Variants in ANO10 observed in about 807,000 individuals in gnomAD.
The protein encoded by ANO10 is anoctamin-10.
ANO10 carries 77 observed loss-of-function variants against 74.7 expected under a neutral mutation model. The observed-to-expected ratio is 1.03, with a 90% CI of 0.86 to 1.25. The LOEUF is 1.25. ANO10 is among the 50% of genes most tolerant of loss of function. The pLI, the probability that ANO10 is intolerant of heterozygous loss-of-function variation, is 0.00. For synonymous variants in ANO10, 279 were observed against 284.9 expected (o/e 0.98, Z 0.21); for missense variants, 721 against 778.1 (o/e 0.93, Z 0.87).
chr3:43,372,901 C>A, intron 12 of ANO10: 1 of 1,508,382 alleles, frequency 6.6e-7, no homozygotes, highest in East Asian at 2.5e-5. Context: ...AGTGTAATTC[C>A]GATGAACTTG....
upstream of ANO10, among the ~76,000 whole-genome samples, chr3:43,626,688 T>C (rs2083495941): frequency 6.6e-6 from 1 of 152,226 alleles, no homozygotes. Context: ...TCTTGATAGC[T>C]ACACATTTTT....
intron 12 of ANO10, among the ~76,000 whole-genome samples, chr3:43,375,788 G>A (rs1360223299): frequency 7.7e-6 from 1 of 129,492 alleles, no homozygotes. Context: ...CAAGCCACAG[G>A]AGCCTGGGGG....
intron 5 of ANO10, 93 bp downstream of exon 5, chr3:43,580,260 A>C: frequency 6.4e-7 from 1 of 1,555,764 alleles, no homozygotes; most frequent in Non-Finnish European, 8.8e-7. Flanking sequence ...TAGAGCACTA[A>C]ATATCTGCCC....
intron 11 of ANO10, among the ~76,000 whole-genome samples, chr3:43,455,569 T>A (rs138405338): frequency 1.3e-5 from 2 of 152,080 alleles, no homozygotes; most frequent in African/African-American, 4.8e-5. Flanking sequence ...AATCAACTAG[T>A]TAGCAGGATA....
chr3:43,435,869 T>G (rs932374489), intron 11 of ANO10, among the ~76,000 whole-genome samples: 2 of 152,146 alleles, frequency 1.3e-5, no homozygotes, highest in Admixed American at 6.5e-5. Context: ...CAAATAACAA[T>G]GAATACTTGT....
intron 11 of ANO10, among the ~76,000 whole-genome samples, chr3:43,483,397 G>A (rs1415745830): frequency 2.6e-5 from 4 of 152,098 alleles, no homozygotes; most frequent in African/African-American, 7.2e-5. Context: ...CTCATCAGAG[G>A]AGCCAAGCTG....
intron 1 of ANO10, among the ~76,000 whole-genome samples, chr3:43,645,832 G>T (rs2083720612): frequency 6.6e-6 from 1 of 151,724 alleles, no homozygotes; most frequent in Admixed American, 6.6e-5. Context: ...TTATTTTTTT[G>T]AGATGGGGTC....
intron 11 of ANO10, among the ~76,000 whole-genome samples, chr3:43,481,254 A>C (rs963953166): frequency 6.6e-6 from 1 of 152,202 alleles, no homozygotes; most frequent in East Asian, 1.9e-4. Context: ...TGACCTTTAA[A>C]ATTATTTATA....
At chr3:43,370,767 C>G (rs2091580973) in intron 12 of ANO10, among the ~76,000 whole-genome samples, 1 of 152,202 alleles carries the variant, frequency 6.6e-6, no homozygotes, top group Non-Finnish European at 1.5e-5. Context: ...AAAGCACTGA[C>G]TAATTTTTTG....
At chr3:43,683,536 A>T (rs1157065422) in intron 1 of ANO10, among the ~76,000 whole-genome samples, 2 of 152,216 alleles carry the variant, frequency 1.3e-5, no homozygotes, top group Non-Finnish European at 2.9e-5. Context: ...TGCCATCCCC[A>T]TCAAGCTACC....
intron 12 of ANO10, among the ~76,000 whole-genome samples, chr3:43,395,821 T>C (rs2092367432): frequency 6.6e-6 from 1 of 151,702 alleles, no homozygotes; most frequent in South Asian, 2.1e-4. Flanking sequence ...ACTGAATCTA[T>C]AGAACAGGGG....
intron 1 of ANO10, 124 bp downstream of exon 1, chr3:43,621,785 C>G (rs1159052799): frequency 6.5e-6 from 1 of 152,868 alleles, no homozygotes; most frequent in African/African-American, 2.4e-5. Context: ...GGAGGCGGCC[C>G]GGGAACGCAG....
chr3:43,367,261 A>G (rs1559480270), intron 12 of ANO10, among the ~76,000 whole-genome samples: 1 of 152,196 alleles, frequency 6.6e-6, no homozygotes, highest in East Asian at 1.9e-4. Context: ...GGCCAGGATG[A>G]GGGGAATAGG....
chr3:43,602,878 C>A (rs932856731), intron 2 of ANO10, among the ~76,000 whole-genome samples: 3 of 152,130 alleles, frequency 2.0e-5, no homozygotes, highest in Non-Finnish European at 2.9e-5. Flanking sequence ...TATTTGTTTT[C>A]ATGTCATCAA....
At chr3:43,691,055 A>G in intron 1 of ANO10, 1 of 1,544,612 alleles carries the variant, frequency 6.5e-7, no homozygotes. Context: ...CGCAGCCGGC[A>G]GGGGGCTTCG....
chr3:43,453,921 G>C (rs1321010038), intron 11 of ANO10, among the ~76,000 whole-genome samples: 1 of 152,124 alleles, frequency 6.6e-6, no homozygotes, highest in African/African-American at 2.4e-5. Flanking sequence ...ACACTCTCTA[G>C]GTGCTGTAGA....
Position 43,547,834 on chromosome 3 carries a change from T to C in ANO10, c.1797+1886A>G, listed in dbSNP as rs532417945. Among the ~76,000 whole-genome samples, 5 of 152,256 alleles carry C rather than the reference T, an allele frequency of 3.3e-5. No individual in the cohort carries two copies. The East Asian group carries it at 7.7e-4, about 24-fold the overall frequency. ...CAAAAGAAAGCAGTAGGCTAATCAA[T>C]GGTAATATATTGAGCCAGCCAGGAA... On this transcript the variant is annotated intron_variant, in intron 11 of 12. Transcript: ENST00000292246.
chr3:43,591,839 C>T (rs2081780605), intron 4 of ANO10, among the ~76,000 whole-genome samples: 1 of 152,194 alleles, frequency 6.6e-6, no homozygotes. Flanking sequence ...GGGGAATTCC[C>T]TTTCCTAGCC....
intron 11 of ANO10, among the ~76,000 whole-genome samples, chr3:43,499,601 T>C (rs550610497): frequency 6.6e-6 from 1 of 151,738 alleles, no homozygotes; most frequent in Non-Finnish European, 1.5e-5. Context: ...CTTTCAACAA[T>C]CTAGGATACC....
Sources: allele counts gnomAD v4.1 joint callset (sites outside exome capture counted in the v4.1 genomes callset), GRCh38; gene constraint gnomAD v4.1.1; transcripts MANE v1.5; gene names NCBI Gene and HGNC (gene_info 2026-07-23, HGNC 2026-07-21).